The following TEX22 variants were observed in gnomAD, a reference collection of about 807,000 sequenced individuals.
The protein encoded by TEX22 is testis expressed 22, also known as testis-expressed protein 22.
Under a neutral mutation model 11.3 loss-of-function variants are expected in TEX22, and 16 were observed. That is an observed-to-expected ratio of 1.42 (90% CI 0.96 to 2.15). The LOEUF is 2.15. Among genes scored for constraint, TEX22 ranks in the 30% most tolerant of loss-of-function variants. The pLI, the probability that TEX22 is intolerant of heterozygous loss-of-function variation, is 0.00. For synonymous variants in TEX22, 97 were observed against 92.3 expected, an observed-to-expected ratio of 1.05 and a Z score of -0.29; for missense variants, 220 against 208.6, an observed-to-expected ratio of 1.05 and a Z score of -0.34.
Position 105,411,832 on chromosome 14 carries a change from A to G in TEX22, c.452A>G (p.Ter151=). The G allele has an allele frequency of 1.4e-6, 2 of 1,414,996 alleles. No individual in the cohort carries two copies. The highest frequency in any genetic ancestry group is 2.5e-5 in the Admixed American group (1 of 39,610). 87.7% of individuals were successfully genotyped at this position (1,414,996 alleles called of 1,614,324 possible). A position where few individuals can be genotyped will look rare whatever the true frequency, so the allele number is the denominator to read the frequency against. The change falls in exon 4 of 4, where the codon TAA becomes TGA. Residue 151 remains the stop codon, a stop_retained_variant. Coordinates refer to ENST00000451127, the MANE Select transcript of TEX22 (RefSeq NM_001195082.2). ...GAGGCCTCGAGGTCACCCCCTTCCT[A>G]AGAGCCCCATTCAGCCCATTGTCTG... ...TFEASRSPPS[*] is the part of the protein sequence containing the mutation.
intron 3 of TEX22, 29 bp downstream of exon 3, chr14:105,411,525 C>A: frequency 1.9e-6 from 2 of 1,056,560 alleles, no homozygotes; most frequent in Non-Finnish European, 1.2e-6. Context: ...CTCCCCGCCC[C>A]GTCCCCGCCC....
In TEX22 at chr14:105,399,336, TA is replaced by T; in HGVS notation, c.-4del. ...GTGTGGACAAGCAGCCTACTAGGGC[TA>T]GAGATGGACAGCAGGAAACTGTCCC... On this transcript the variant is annotated 5_prime_UTR_variant, in exon 2 of 4. Transcript: ENST00000451127. 1 of 1,496,564 alleles carries T rather than the reference TA, an allele frequency of 6.7e-7. No homozygotes were observed. Among genetic ancestry groups the T allele is most frequent in the Non-Finnish European group, 8.9e-7 (1 of 1,123,780 alleles). 92.7% of individuals were successfully genotyped at this position (1,496,564 alleles called of 1,614,324 possible). A position where few individuals can be genotyped will look rare whatever the true frequency, so the allele number is the denominator to read the frequency against.
intron 2 of TEX22, among the ~76,000 whole-genome samples, chr14:105,403,597 A>G (rs2081643812): frequency 6.6e-6 from 1 of 152,158 alleles, no homozygotes; most frequent in Non-Finnish European, 1.5e-5. Flanking sequence ...TAATTTTAAA[A>G]AAATTTTTGC....
In TEX22 at chr14:105,411,774, C is replaced by A; in HGVS notation, c.394C>A (p.Arg132Ser). 1.3e-6 allele frequency: 2 copies of A among 1,503,870 alleles called. No individual in the cohort carries two copies. The highest frequency in any genetic ancestry group is 1.8e-6 in the Non-Finnish European group (2 of 1,130,072). 93.2% of individuals were successfully genotyped at this position (1,503,870 alleles called of 1,614,324 possible). The change falls in exon 4 of 4, where the codon CGC becomes AGC. Residue 132 changes from arginine (R) to serine (S), a missense_variant. By Grantham distance (110) the Arg-to-Ser change is moderately radical. Transcript: ENST00000451127. ...CAACGCCTTCCAGGCCTTCCTGGCGCGCAGTGCGCCTTTCTGGCATAATGC... is the reference window on the plus strand; with the variant it reads ...CAACGCCTTCCAGGCCTTCCTGGCGAGCAGTGCGCCTTTCTGGCATAATGC... ...STNAFQAFLARSAPFWHNATF... is the reference protein window; with the variant it reads ...STNAFQAFLASSAPFWHNATF...
Position 105,411,660 on chromosome 14 carries a change from G to A in TEX22, c.280G>A (p.Asp94Asn). 1 of 1,526,498 alleles carries A rather than the reference G, an allele frequency of 6.6e-7. No homozygotes were observed. Among genetic ancestry groups the A allele is most frequent in the Non-Finnish European group, 8.8e-7 (1 of 1,142,366 alleles). The allele number at this position is 1,526,498 out of a possible 1,614,324, so 94.6% of individuals were successfully genotyped here. Residue 94 changes from aspartate (D) to asparagine (N), a missense_variant and splice_region_variant, in exon 4 of 4, where the codon GAC (aspartate) becomes AAC (asparagine). Transcript: ENST00000451127. ...GAAGTQLHCR[D>N]VVQMVAQLVS... ...GCTCCCTGACCACCCTCGCCCGCAG[G>A]ACGTCGTGCAGATGGTAGCCCAGCT...
At chr14:105,400,320 C>T (rs980806748) in intron 2 of TEX22, among the ~76,000 whole-genome samples, 1 of 152,184 alleles carries the variant, frequency 6.6e-6, no homozygotes, top group African/African-American at 2.4e-5. Context: ...GTCCTTCAGG[C>T]CCAAATGCTT....
intron 2 of TEX22, among the ~76,000 whole-genome samples, chr14:105,405,683 C>G (rs1251796370): frequency 6.6e-6 from 1 of 152,220 alleles, no homozygotes; most frequent in African/African-American, 2.4e-5. Context: ...GTCTCATAGA[C>G]CTGTTCCTGA....
chr14:105,401,626 A>G (rs587689113), intron 2 of TEX22, among the ~76,000 whole-genome samples: 1 of 151,824 alleles, frequency 6.6e-6, no homozygotes, highest in South Asian at 2.1e-4. Context: ...AGATACACCT[A>G]ATGCTAAATG....
At chr14:105,407,670 A>C (rs1258956239) in intron 2 of TEX22, among the ~76,000 whole-genome samples, 1 of 152,156 alleles carries the variant, frequency 6.6e-6, no homozygotes, top group Non-Finnish European at 1.5e-5. Flanking sequence ...GCACTCTGCC[A>C]TTGTTTCTTT....
Position 105,411,382 on chromosome 14 carries a change from G to T in TEX22, c.165G>T (p.Pro55=). Residue 55 remains proline (P), a synonymous_variant, in exon 3 of 4, where the codon CCG becomes CCT. Coordinates refer to ENST00000451127, the MANE Select transcript of TEX22 (RefSeq NM_001195082.2). ...CTGTCCCCCAGGTGTGCGAGCCGCC[G>T]GAACGCAGGCGCCCGGGCCGCCGCT... The part of the protein sequence containing the change: ...LQTQDWVCEP[P]ERRRPGRRWS... 1 of 1,325,944 alleles carries T rather than the reference G, an allele frequency of 7.5e-7. No homozygotes were observed. Among genetic ancestry groups the T allele is most frequent in the South Asian group, 1.9e-5 (1 of 51,754 alleles). The allele number at this position is 1,325,944 out of a possible 1,614,324, so 82.1% of individuals were successfully genotyped here. A position where few individuals can be genotyped will look rare whatever the true frequency, so the allele number is the denominator to read the frequency against.
intron 2 of TEX22, among the ~76,000 whole-genome samples, chr14:105,402,664 G>A (rs1246419625): frequency 2.6e-5 from 4 of 151,666 alleles, no homozygotes; most frequent in South Asian, 4.2e-4. Flanking sequence ...GCTGAGGCAG[G>A]AGAATGGCGT....
At chr14:105,404,870 T>C (rs2081650693) in intron 2 of TEX22, among the ~76,000 whole-genome samples, 1 of 152,192 alleles carries the variant, frequency 6.6e-6, no homozygotes, top group African/African-American at 2.4e-5. Flanking sequence ...AGGAAGTGTC[T>C]GAGTAAACTG....
rs1192680636 is a variant in TEX22 at position 105,412,075 on chromosome 14, C to T, written c.*242C>T. ...ACTGCCCCGGGTCAGTCTGAGAGGG[C>T]CCTGGCAAGGCCTGGGTAGCAGGAG... On this transcript the variant is annotated 3_prime_UTR_variant, in exon 4 of 4. Transcript: ENST00000451127. This position sits in a 1 kb window ranked among gnomAD's most constrained non-coding sequence, Gnocchi z 5.8. The T allele has an allele frequency of 5.3e-6, 2 of 379,584 alleles. No individual in the cohort carries two copies. The highest frequency in any genetic ancestry group is 2.1e-5 in the African/African-American group (1 of 47,940). 23.5% of individuals were successfully genotyped at this position (379,584 alleles called of 1,614,324 possible). A position where few individuals can be genotyped will look rare whatever the true frequency, so the allele number is the denominator to read the frequency against.
At chr14:105,410,311 A>G (rs1555419202) in intron 2 of TEX22, among the ~76,000 whole-genome samples, 1 of 152,200 alleles carries the variant, frequency 6.6e-6, no homozygotes, top group African/African-American at 2.4e-5. Context: ...TCCTGACCTC[A>G]GGTGATCTAC....
At chr14:105,408,938 T>G (rs2141361455) in intron 2 of TEX22, among the ~76,000 whole-genome samples, 2 of 151,244 alleles carry the variant, frequency 1.3e-5, no homozygotes, top group Admixed American at 6.6e-5. Flanking sequence ...AATCATTGTG[T>G]TCCCCCCTCC....
At chr14:105,402,799 C>T (rs192942490) in intron 2 of TEX22, among the ~76,000 whole-genome samples, 2 of 151,156 alleles carry the variant, frequency 1.3e-5, no homozygotes, top group East Asian at 1.9e-4. Flanking sequence ...TCAATTCCTT[C>T]ATGAAGAACA....
At position 105,399,461 on chromosome 14, in the gene TEX22, G is replaced by C; in HGVS notation, c.121G>C (p.Val41Leu). The change falls in exon 2 of 4, where the codon GTT (valine) becomes CTT (leucine). Residue 41 changes from valine to leucine, a missense_variant. Coordinates refer to ENST00000451127, the MANE Select transcript of TEX22 (RefSeq NM_001195082.2). The part of the protein sequence containing the change: ...AWGQPSIQSS[V>L]QQGLQTQDWV... ...GGGCCAGCCCAGTATCCAGAGCAGC[G>C]TTCAGCAGGGACTGCAGACTCAGGA... The C allele has an allele frequency of 6.5e-7, 1 of 1,535,478 alleles. No individual in the cohort carries two copies. The highest frequency in any genetic ancestry group is 2.4e-5 in the East Asian group (1 of 40,924).
At chr14:105,402,503 C>T (rs992057360) in intron 2 of TEX22, among the ~76,000 whole-genome samples, 8 of 152,124 alleles carry the variant, frequency 5.3e-5, no homozygotes, top group Admixed American at 1.3e-4. Context: ...GCCTGTAATC[C>T]CAGCACTTTG....
At chr14:105,401,101 G>A (rs910754364) in intron 2 of TEX22, among the ~76,000 whole-genome samples, 2 of 152,216 alleles carry the variant, frequency 1.3e-5, no homozygotes, top group Admixed American at 6.5e-5. Flanking sequence ...TTTCATAGCC[G>A]TAAGGATGGG....
Sources: allele counts gnomAD v4.1 joint callset (sites outside exome capture counted in the v4.1 genomes callset), GRCh38; gene constraint gnomAD v4.1.1; non-coding constraint Gnocchi (gnomAD v3.1); transcripts MANE v1.5; gene names NCBI Gene and HGNC (gene_info 2026-07-23, HGNC 2026-07-21).